KCNK2: variants seen among roughly 807,000 people sequenced by gnomAD.
The protein encoded by KCNK2 is potassium channel subfamily K member 2.
Under a neutral mutation model 40.5 loss-of-function variants are expected in KCNK2, and 21 were observed. The ratio of observed to expected loss-of-function variants is 0.52; its 90% CI spans 0.37 to 0.75. KCNK2 has a LOEUF of 0.75. Ranked by LOEUF, KCNK2 falls within the 30% of genes least tolerant of loss-of-function variation. The probability of loss-of-function intolerance (pLI) is 0.00; values close to 1 mark genes in which losing one functional copy is unlikely to be tolerated. For missense variants in KCNK2, 399 were observed against 531.6 expected, an observed-to-expected ratio of 0.75 and a Z score of 2.45; for synonymous variants, 191 against 202.2, an observed-to-expected ratio of 0.94 and a Z score of 0.47.
At chr1:215,067,726 C>T (rs758009762) in intron 1 of KCNK2, among the ~76,000 whole-genome samples, 3 of 151,892 alleles carry the variant, frequency 2.0e-5, no homozygotes, top group Non-Finnish European at 4.4e-5. Flanking sequence ...ACTAGCTAGA[C>T]GTGGTGGTGG....
At chr1:215,049,213 A>G (rs1382020098) in intron 1 of KCNK2, among the ~76,000 whole-genome samples, 1 of 152,148 alleles carries the variant, frequency 6.6e-6, no homozygotes, top group African/African-American at 2.4e-5. Flanking sequence ...ACTATCAGAT[A>G]TTGTATTGTG....
At chr1:215,108,420 C>T (rs1459036765) in intron 2 of KCNK2, among the ~76,000 whole-genome samples, 1 of 152,170 alleles carries the variant, frequency 6.6e-6, no homozygotes, top group Non-Finnish European at 1.5e-5. Flanking sequence ...TACTGAGAGA[C>T]AATTGTATAT....
intron 2 of KCNK2, among the ~76,000 whole-genome samples, chr1:215,090,536 C>A (rs1659648311): frequency 6.6e-6 from 1 of 152,074 alleles, no homozygotes; most frequent in Non-Finnish European, 1.5e-5. Context: ...TCTTAATATT[C>A]TTTCTGGACA....
chr1:215,171,660 C>A (rs76511811), intron 4 of KCNK2, among the ~76,000 whole-genome samples: 2,046 of 152,060 alleles, frequency 0.013, 58 homozygotes, highest in African/African-American at 0.046. Flanking sequence ...AATAATGATG[C>A]AAATCTAAAA....
rs557448406 is a variant in KCNK2, at chr1:215,072,613, C to G, written c.35-13755C>G. On this transcript the variant is annotated intron_variant, in intron 1 of 6. Transcript: ENST00000391895. The stretch of plus-strand genomic sequence containing the variant: ...CAACTAAAGCTGATGAGAATATTTT[C>G]TCCAGTTCTCTGGGCCCACTTCATG... Among the ~76,000 whole-genome samples the G allele has an allele frequency of 5.6e-4, 86 of 152,302 alleles. 1 individual carries two copies. Among genetic ancestry groups the G allele is most frequent in the South Asian group, 1.2e-3 (6 of 4,834 alleles).
At chr1:215,142,198 T>A (rs985525129) in intron 3 of KCNK2, among the ~76,000 whole-genome samples, 1 of 152,144 alleles carries the variant, frequency 6.6e-6, no homozygotes, top group Admixed American at 6.6e-5. Flanking sequence ...TGTCTTTAAA[T>A]CACAGTGAAT....
chr1:215,198,308 G>A (rs1343125660), intron 6 of KCNK2, among the ~76,000 whole-genome samples: 2 of 152,154 alleles, frequency 1.3e-5, no homozygotes, highest in East Asian at 3.9e-4. Flanking sequence ...GGACAGGGGA[G>A]CCAGTTGAAA....
At chr1:215,179,809 T>A (rs2102647494) in intron 5 of KCNK2, among the ~76,000 whole-genome samples, 1 of 152,272 alleles carries the variant, frequency 6.6e-6, no homozygotes, top group Admixed American at 6.5e-5. Context: ...ATATGTTCCA[T>A]GTGCAGATGA....
In KCNK2 at chr1:215,086,503, C is replaced by T. The variant is rs1659448201; in HGVS notation, c.182C>T (p.Thr61Met). Residue 61 changes from threonine to methionine, a missense_variant, in exon 2 of 7, where the codon ACG becomes ATG. Thr to Met is a moderately conservative substitution (Grantham distance 81). This residue lies in a region of KCNK2 where 279 missense variants were observed against 353.8 expected (regional missense o/e 0.79). Transcript: ENST00000444842. ...ACCATTAATGTTATGAAATGGAAGA[C>T]GGTCTCCACGATATTCCTGGTGGTT... is the stretch of plus-strand genomic sequence containing the variant. ...DTTINVMKWK[T>M]VSTIFLVVVL... The T allele has an allele frequency of 1.9e-6, 3 of 1,614,012 alleles. No individual in the cohort carries two copies. The highest frequency in any genetic ancestry group is 2.5e-6 in the Non-Finnish European group (3 of 1,180,006).
At chr1:215,109,917 ACT>A (rs1262080958) in intron 2 of KCNK2, among the ~76,000 whole-genome samples, 1 of 151,716 alleles carries the variant, frequency 6.6e-6, no homozygotes, top group African/African-American at 2.4e-5. Flanking sequence ...AGCCATTCTA[ACT>A]CTGTAAGAGT....
At chr1:215,233,046 T>C (rs1666735719) in intron 6 of KCNK2, among the ~76,000 whole-genome samples, 1 of 152,182 alleles carries the variant, frequency 6.6e-6, no homozygotes. Context: ...AAAACAGAAT[T>C]ACATGTTTAG....
chr1:215,064,120 G>T (rs897263924), intron 1 of KCNK2, among the ~76,000 whole-genome samples: 1 of 151,996 alleles, frequency 6.6e-6, no homozygotes, highest in African/African-American at 2.4e-5. Flanking sequence ...TTTTTTGATC[G>T]TAATAGAAGG....
At chr1:215,062,181 G>A (rs959678639) in intron 1 of KCNK2, among the ~76,000 whole-genome samples, 1 of 152,002 alleles carries the variant, frequency 6.6e-6, no homozygotes, top group Non-Finnish European at 1.5e-5. Context: ...CTGTTCAAAA[G>A]GCCGAAAATT....
At chr1:215,021,791 G>A (rs986346520) in intron 1 of KCNK2, among the ~76,000 whole-genome samples, 7 of 152,000 alleles carry the variant, frequency 4.6e-5, no homozygotes, top group Admixed American at 1.3e-4. Context: ...CTCGTCATCC[G>A]CCCGCCTCGG....
At position 215,086,633 on chromosome 1, in the gene KCNK2, C is replaced by T; in HGVS notation, c.312C>T (p.Ser104=). 1.2e-6 allele frequency: 2 copies of T among 1,614,156 alleles called. No individual in the cohort carries two copies. The highest frequency in any genetic ancestry group is 2.2e-5 in the South Asian group (2 of 91,076). ...TGATCCAGAAGCAAACATTCATATCCCAACATTCCTGTGTCAATTCGACGG... is the reference window on the plus strand; with the variant it reads ...TGATCCAGAAGCAAACATTCATATCTCAACATTCCTGTGTCAATTCGACGG... ...TIVIQKQTFI[S]QHSCVNSTEL... is the part of the protein sequence containing the mutation. Residue 104 remains serine (S), a synonymous_variant, in exon 2 of 7, where the codon TCC becomes TCT. Coordinates refer to ENST00000444842, the MANE Select transcript of KCNK2 (RefSeq NM_001017425.3).
chr1:215,217,419 G>A (rs1310153313), intron 6 of KCNK2, among the ~76,000 whole-genome samples: 1 of 152,202 alleles, frequency 6.6e-6, no homozygotes, highest in Non-Finnish European at 1.5e-5. Flanking sequence ...TGGAGCATGT[G>A]TTTAGATATA....
intron 1 of KCNK2, among the ~76,000 whole-genome samples, chr1:215,018,220 C>T (rs1387488513): frequency 5.3e-5 from 8 of 152,058 alleles, no homozygotes; most frequent in Non-Finnish European, 7.4e-5. Context: ...GTTTTGATTG[C>T]GAATGAGAAT....
intron 3 of KCNK2, among the ~76,000 whole-genome samples, chr1:215,168,997 A>T (rs1353072184): frequency 6.6e-6 from 1 of 152,150 alleles, no homozygotes; most frequent in Non-Finnish European, 1.5e-5. Context: ...TATTAACTAT[A>T]CTTTGTATAT....
In KCNK2 at chr1:215,086,381, C is replaced by T. The variant is rs1334944555; in HGVS notation, c.60C>T (p.Asp20=). The T allele has an allele frequency of 6.2e-7, 1 of 1,613,848 alleles. No individual in the cohort carries two copies. Among genetic ancestry groups the T allele is most frequent in the Middle Eastern group, 1.7e-4 (1 of 6,048 alleles). The change falls in exon 2 of 7, where the codon GAC becomes GAT. Residue 20 remains aspartate (D), a synonymous_variant. Coordinates refer to ENST00000444842, the MANE Select transcript of KCNK2 (RefSeq NM_001017425.3). Reference sequence around the variant, plus strand: ...TGTTGTTGTCAGTGGCGGCACCTGACTTGCTGGATCCTAAATCTGCCGCTC... The same window carrying T: ...TGTTGTTGTCAGTGGCGGCACCTGATTTGCTGGATCCTAAATCTGCCGCTC... The part of the protein sequence containing the change: ...PGYRAGVAAP[D]LLDPKSAAQN...
Sources: gnomAD v4.1 joint callset for allele counts (sites outside exome capture counted in the v4.1 genomes callset) on GRCh38, gnomAD v4.1.1 for gene constraint, gnomAD v4.1.1 regional missense constraint, MANE v1.5 for transcripts, NCBI Gene and HGNC (gene_info 2026-07-23, HGNC 2026-07-21) for gene names.